Variants in WDFY3 observed in about 807,000 individuals in gnomAD.
WDFY3 encodes WD repeat and FYVE domain-containing protein 3.
Under a neutral mutation model 409.6 loss-of-function variants are expected in WDFY3, and 66 were observed. The observed-to-expected ratio is 0.16, with a 90% CI of 0.13 to 0.20. The LOEUF (loss-of-function observed/expected upper bound fraction) is 0.20, where lower values mean the gene tolerates loss of function less well. WDFY3 is among the 10% of genes least tolerant of loss of function. The probability of loss-of-function intolerance (pLI) is 1.00; values close to 1 mark genes in which losing one functional copy is unlikely to be tolerated. For missense variants in WDFY3, 3,031 were observed against 4,298.1 expected, an observed-to-expected ratio of 0.71 and a Z score of 8.24; for synonymous variants, 1,521 against 1,537.1, an observed-to-expected ratio of 0.99 and a Z score of 0.25.
chr4:84,714,505 T>G (rs1366604918), intron 50 of WDFY3, among the ~76,000 whole-genome samples: 3 of 152,150 alleles, frequency 2.0e-5, no homozygotes, highest in Admixed American at 2.0e-4. Context: ...GCTATACTAC[T>G]TTTTCAAGGA....
chr4:84,682,572 T>C, intron 63 of WDFY3, 102 bp from the exon 64 acceptor site: 1 of 934,456 alleles, frequency 1.1e-6, no homozygotes, highest in South Asian at 1.5e-5. Flanking sequence ...ACAGATAACT[T>C]AATTTCCATC....
rs1263209870 is a variant in WDFY3, at chr4:84,914,943, T to C, written c.-132+17327A>G. On this transcript the variant is annotated intron_variant, in intron 2 of 67. Transcript: ENST00000295888. Reference sequence around the variant, plus strand: ...AATGACTCAGGTGTGTGTAAACAGATGAAAAAATAAATAGAATGTGGTATA... The same window carrying C: ...AATGACTCAGGTGTGTGTAAACAGACGAAAAAATAAATAGAATGTGGTATA... Among the ~76,000 whole-genome samples, 4 of 152,226 alleles carry C rather than the reference T, an allele frequency of 2.6e-5. No homozygotes were observed. The East Asian group carries it at 7.7e-4, about 29-fold the overall frequency.
intron 3 of WDFY3, among the ~76,000 whole-genome samples, chr4:84,888,089 G>T (rs1451086521): frequency 6.6e-6 from 1 of 152,118 alleles, no homozygotes; most frequent in African/African-American, 2.4e-5. Flanking sequence ...TTACATACAT[G>T]TAACTACATT....
At chr4:84,951,860 TG>T (rs1250415830) in intron 1 of WDFY3, among the ~76,000 whole-genome samples, 2 of 152,126 alleles carry the variant, frequency 1.3e-5, no homozygotes, top group African/African-American at 4.8e-5. Flanking sequence ...GAAGAAAGGC[TG>T]GAATATGAGG....
chr4:84,702,624 C>A (rs1009651201), intron 55 of WDFY3, 118 bp from the exon 56 acceptor site: 3 of 884,102 alleles, frequency 3.4e-6, no homozygotes, highest in Non-Finnish European at 4.8e-6. Context: ...TTCCCATTAT[C>A]CTACATTAAA....
At chr4:84,896,588 A>G (rs1267200232) in intron 3 of WDFY3, among the ~76,000 whole-genome samples, 1 of 152,198 alleles carries the variant, frequency 6.6e-6, no homozygotes, top group African/African-American at 2.4e-5. Context: ...ATATCCCACT[A>G]CAGGGCTCCA....
At chr4:84,683,371 A>G (rs1727732427) in intron 63 of WDFY3, among the ~76,000 whole-genome samples, 1 of 152,218 alleles carries the variant, frequency 6.6e-6, no homozygotes, top group African/African-American at 2.4e-5. Flanking sequence ...AAACAAGCAC[A>G]AAGAAAAATC....
At chr4:84,691,288 T>C (rs1300314686) in intron 60 of WDFY3, among the ~76,000 whole-genome samples, 1 of 151,990 alleles carries the variant, frequency 6.6e-6, no homozygotes, top group Admixed American at 6.6e-5. Context: ...TGGTGACTCA[T>C]CAAAAGGAGG....
intron 1 of WDFY3, among the ~76,000 whole-genome samples, chr4:84,956,524 T>C (rs1319917479): frequency 1.3e-5 from 2 of 152,236 alleles, no homozygotes; most frequent in African/African-American, 4.8e-5. Context: ...GTAGTAGTAA[T>C]GAATACTTTA....
At chr4:84,730,241 G>A (rs1736365827) in intron 44 of WDFY3, among the ~76,000 whole-genome samples, 1 of 152,038 alleles carries the variant, frequency 6.6e-6, no homozygotes, top group African/African-American at 2.4e-5. Context: ...AATTGAATTC[G>A]AGGCCATTTT....
At chr4:84,794,436 T>G (rs1749026836) in intron 21 of WDFY3, 83 bp downstream of exon 21, 2 of 1,301,506 alleles carry the variant, frequency 1.5e-6, no homozygotes, top group Non-Finnish European at 2.1e-6. Flanking sequence ...AAAGTTATTA[T>G]TAGCTGGACT....
intron 4 of WDFY3, among the ~76,000 whole-genome samples, chr4:84,855,255 A>G (rs141452489): frequency 1.1e-3 from 174 of 152,354 alleles, no homozygotes; most frequent in African/African-American, 4.0e-3. Context: ...CAATACAGAC[A>G]GAATTTAAAA....
At chr4:84,943,380 T>C (rs568177220) in intron 1 of WDFY3, among the ~76,000 whole-genome samples, 69 of 152,062 alleles carry the variant, frequency 4.5e-4, no homozygotes, top group Non-Finnish European at 8.5e-4. Context: ...GGTGGGCACC[T>C]GTAGTCCCAG....
chr4:84,731,477 T>C (rs1412668931), intron 44 of WDFY3, among the ~76,000 whole-genome samples: 1 of 152,196 alleles, frequency 6.6e-6, no homozygotes, highest in African/African-American at 2.4e-5. Context: ...AATTCTACAT[T>C]CTGTACCTGT....
chr4:84,917,078 T>C (rs760977630), intron 2 of WDFY3, among the ~76,000 whole-genome samples: 1 of 152,184 alleles, frequency 6.6e-6, no homozygotes, highest in Admixed American at 6.5e-5. Flanking sequence ...AGATATCTTT[T>C]TCGTGTGTGT....
At chr4:84,820,280 A>G in intron 11 of WDFY3, 94 bp from the exon 12 acceptor site, 1 of 1,053,790 alleles carries the variant, frequency 9.5e-7, no homozygotes, top group Non-Finnish European at 1.4e-6. Flanking sequence ...TTTCTTCAGT[A>G]TTCAGTTTTA....
chr4:84,711,162 G>A (rs562350358), intron 51 of WDFY3, among the ~76,000 whole-genome samples: 98 of 152,324 alleles, frequency 6.4e-4, no homozygotes, highest in African/African-American at 2.3e-3. Context: ...TAGTTACTGA[G>A]TGATATAAAT....
At chr4:84,878,844 T>C (rs1763116607) in intron 3 of WDFY3, among the ~76,000 whole-genome samples, 1 of 152,174 alleles carries the variant, frequency 6.6e-6, no homozygotes, top group Non-Finnish European at 1.5e-5. Context: ...AGATTGAAAA[T>C]TCACCACTAA....
intron 3 of WDFY3, among the ~76,000 whole-genome samples, chr4:84,868,177 A>G (rs1252948118): frequency 7.2e-6 from 1 of 139,124 alleles, no homozygotes. Context: ...GTCTCAAAAA[A>G]AAAAAAAAAA....
Sources: allele counts gnomAD v4.1 joint callset (sites outside exome capture counted in the v4.1 genomes callset), GRCh38; gene constraint gnomAD v4.1.1; transcripts MANE v1.5; gene names NCBI Gene and HGNC (gene_info 2026-07-23, HGNC 2026-07-21).